The following DIAPH2 variants were observed in gnomAD, a reference collection of about 807,000 sequenced individuals.
DIAPH2 encodes the protein protein diaphanous homolog 2.
A neutral mutation model predicts 92.7 loss-of-function variants in DIAPH2; 35 were observed. The ratio of observed to expected loss-of-function variants is 0.38; its 90% CI spans 0.29 to 0.50. The LOEUF (loss-of-function observed/expected upper bound fraction) is 0.50. DIAPH2 is among the 20% of genes least tolerant of loss of function. The pLI, the probability that DIAPH2 is intolerant of heterozygous loss-of-function variation, is 0.94. For synonymous variants in DIAPH2, 301 were observed against 280.4 expected, an observed-to-expected ratio of 1.07 and a Z score of -0.73; for missense variants, 701 against 819.5, an observed-to-expected ratio of 0.86 and a Z score of 1.77.
At chrX:97,336,449 C>G (rs979985814) in intron 23 of DIAPH2, among the ~76,000 whole-genome samples, 1 of 108,316 alleles carries the variant, frequency 9.2e-6, no homozygotes, top group Non-Finnish European at 1.9e-5. Flanking sequence ...TGGGGTTTCA[C>G]CATGTTAGCC....
intron 17 of DIAPH2, among the ~76,000 whole-genome samples, chrX:97,024,928 A>G (rs1026756228): frequency 8.9e-6 from 1 of 111,791 alleles, no homozygotes; most frequent in Non-Finnish European, 1.9e-5. Context: ...TGGGGGTCGG[A>G]GTGTTGTTAT....
intron 4 of DIAPH2, among the ~76,000 whole-genome samples, chrX:96,832,220 T>C (rs1353594937): frequency 9.0e-6 from 1 of 111,672 alleles, no homozygotes; most frequent in Non-Finnish European, 1.9e-5. Flanking sequence ...AATGGGATAT[T>C]TACTTTTTAC....
At chrX:97,353,875 T>C (rs1365816021) in intron 24 of DIAPH2, among the ~76,000 whole-genome samples, 1 of 110,786 alleles carries the variant, frequency 9.0e-6, no homozygotes, top group Admixed American at 9.7e-5. Flanking sequence ...AGTGCAGTGG[T>C]ATGATCATAG....
intron 24 of DIAPH2, among the ~76,000 whole-genome samples, chrX:97,369,694 A>G (rs2069425133): frequency 9.0e-6 from 1 of 111,640 alleles, no homozygotes; most frequent in Non-Finnish European, 1.9e-5. Flanking sequence ...CTTGCTGTCA[A>G]TATCTTGGAA....
intron 24 of DIAPH2, among the ~76,000 whole-genome samples, chrX:97,362,196 G>A (rs767381401): frequency 5.0e-4 from 54 of 108,934 alleles, no homozygotes; most frequent in African/African-American, 1.7e-3. Flanking sequence ...AGCCGAGATG[G>A]TACCACTGCC....
At chrX:96,964,234 A>G (rs768217230) in intron 16 of DIAPH2, among the ~76,000 whole-genome samples, 3 of 111,909 alleles carry the variant, frequency 2.7e-5, no homozygotes, top group South Asian at 3.7e-4. Flanking sequence ...TCTTATGCAT[A>G]TATTTATGCT....
chrX:97,446,909 T>C (rs4294321), intron 26 of DIAPH2, among the ~76,000 whole-genome samples: 42,364 of 107,897 alleles, frequency 0.39, 6,135 homozygotes, highest in East Asian at 0.57. Flanking sequence ...GTATGGCTTC[T>C]TTTCTGGGCC....
intron 17 of DIAPH2, among the ~76,000 whole-genome samples, chrX:97,023,248 ATTCT>A (rs1398737981): frequency 3.6e-5 from 4 of 111,558 alleles, no homozygotes; most frequent in African/African-American, 9.8e-5. Context: ...TGCTATTCTT[ATTCT>A]TTCTTTGTTT....
chrX:97,137,276 T>C (rs1181200172), intron 21 of DIAPH2, among the ~76,000 whole-genome samples: 7 of 73,234 alleles, frequency 9.6e-5, no homozygotes, highest in African/African-American at 3.7e-4. Flanking sequence ...TATACATATA[T>C]ATATATATAT....
chrX:96,837,363 GTCTC>G (rs1031266243), intron 4 of DIAPH2, among the ~76,000 whole-genome samples: 2 of 93,826 alleles, frequency 2.1e-5, no homozygotes, highest in African/African-American at 7.5e-5. Context: ...CTCTTTCTCT[GTCTC>G]TCTGTCTGCC....
intron 7 of DIAPH2, among the ~76,000 whole-genome samples, chrX:96,915,757 CTTAT>C (rs887475948): frequency 1.8e-5 from 2 of 111,986 alleles, no homozygotes; most frequent in Admixed American, 9.5e-5. Flanking sequence ...AATTTCTTTA[CTTAT>C]TTATTAAGTG....
At chrX:96,912,286 T>G (rs760666801) in intron 5 of DIAPH2, 42 bp from the exon 6 acceptor site, 29 of 996,498 alleles carry the variant, frequency 2.9e-5, no homozygotes, top group Non-Finnish European at 3.2e-5. Flanking sequence ...GTTTTAAAAT[T>G]ACTAACTTAC....
chrX:97,254,662 A>G (rs1457751202), intron 23 of DIAPH2, among the ~76,000 whole-genome samples: 2 of 110,510 alleles, frequency 1.8e-5, no homozygotes, highest in Admixed American at 9.7e-5. Flanking sequence ...AAGCAATACT[A>G]TGAAGTAGGT....
chrX:96,853,526 C>G (rs1240604350), intron 4 of DIAPH2, among the ~76,000 whole-genome samples: 1 of 111,264 alleles, frequency 9.0e-6, no homozygotes, highest in African/African-American at 3.3e-5. Context: ...AAGGGATCAT[C>G]CTAGGTTCTG....
At chrX:96,901,116 T>C (rs1391812021) in intron 5 of DIAPH2, among the ~76,000 whole-genome samples, 2 of 111,506 alleles carry the variant, frequency 1.8e-5, no homozygotes, top group African/African-American at 6.5e-5. Context: ...ACAATTTTTT[T>C]TTATTACTGA....
At chrX:97,430,260 A>T (rs1238525407) in intron 26 of DIAPH2, among the ~76,000 whole-genome samples, 2 of 111,973 alleles carry the variant, frequency 1.8e-5, no homozygotes, top group Admixed American at 9.5e-5. Context: ...TTTTGTTTTT[A>T]TATTTGATTA....
intron 23 of DIAPH2, among the ~76,000 whole-genome samples, chrX:97,347,656 G>C (rs1439948388): frequency 9.0e-6 from 1 of 111,152 alleles, no homozygotes; most frequent in East Asian, 2.8e-4. Context: ...ACTCTATCAA[G>C]TTATTTTGGG....
intron 25 of DIAPH2, among the ~76,000 whole-genome samples, chrX:97,427,140 T>G (rs1225217370): frequency 9.2e-6 from 1 of 108,622 alleles, no homozygotes; most frequent in Non-Finnish European, 1.9e-5. Flanking sequence ...ATTGCGCCAC[T>G]GCACTCCTGC....
At chrX:97,567,207 T>C (rs1005494908) in intron 26 of DIAPH2, among the ~76,000 whole-genome samples, 5 of 111,960 alleles carry the variant, frequency 4.5e-5, no homozygotes, top group African/African-American at 1.3e-4. Context: ...TGATGAAGCA[T>C]TTTTTGATCA....
Sources: allele counts gnomAD v4.1 joint callset (sites outside exome capture counted in the v4.1 genomes callset), GRCh38; gene constraint gnomAD v4.1.1; transcripts MANE v1.5; gene names NCBI Gene and HGNC (gene_info 2026-07-23, HGNC 2026-07-21).